The following SPATA13 variants were observed in gnomAD, a reference collection of about 807,000 sequenced individuals.
The protein encoded by SPATA13 is spermatogenesis-associated protein 13.
Under a neutral mutation model 104.0 loss-of-function variants are expected in SPATA13, and 50 were observed. The ratio of observed to expected loss-of-function variants is 0.48; its 90% CI spans 0.38 to 0.61. The LOEUF (loss-of-function observed/expected upper bound fraction) is 0.61, where lower values mean the gene tolerates loss of function less well. SPATA13 is among the 20% of genes least tolerant of loss of function. The pLI is 0.00. For synonymous variants in SPATA13, 606 were observed against 667.5 expected (o/e 0.91, Z 1.42); for missense variants, 1,524 against 1,690.6 (o/e 0.90, Z 1.73).
rs902005263 is a variant in SPATA13 at position 24,305,023 on chromosome 13, C to A, written c.*2250C>A. 3 of 152,146 alleles carry A rather than the reference C, an allele frequency of 2.0e-5. No homozygotes were observed. Among genetic ancestry groups the A allele is most frequent in the Non-Finnish European group, 4.4e-5 (3 of 68,026 alleles). The allele number at this position is 152,146 out of a possible 1,614,324, so 9.4% of individuals were successfully genotyped here. ...CTGCTAGAGTTGTTTGTATGTACAG[C>A]AATTTTGAACAAATTGTTTTAAATG... is the stretch of plus-strand genomic sequence containing the variant. On this transcript the variant is annotated 3_prime_UTR_variant, in exon 13 of 13. Transcript: ENST00000382108.
chr13:24,305,221 G>A lies in SPATA13; in HGVS notation c.*2448G>A, dbSNP rs1047684564. 2.0e-5 allele frequency: 3 copies of A among 152,004 alleles called. No homozygotes were observed. Among genetic ancestry groups the A allele is most frequent in the African/African-American group, 7.3e-5 (3 of 41,364 alleles). The allele number at this position is 152,004 out of a possible 1,614,324, so 9.4% of individuals were successfully genotyped here. A position where few individuals can be genotyped will look rare whatever the true frequency, so the allele number is the denominator to read the frequency against. ...GCCAGTCCTAATTTATTTTCCAGCT[G>A]AGCCCTAACTTCCGGCTCCCACCTA... On this transcript the variant is annotated 3_prime_UTR_variant, in exon 13 of 13. Coordinates refer to ENST00000382108, the MANE Select transcript of SPATA13 (RefSeq NM_001166271.3).
At chr13:24,079,730 A>G (rs550855534) in intron 3 of SPATA13, among the ~76,000 whole-genome samples, 3 of 152,180 alleles carry the variant, frequency 2.0e-5, no homozygotes, top group African/African-American at 7.2e-5. Flanking sequence ...GTGCAATTAT[A>G]TATCATTAGT....
intron 8 of SPATA13, among the ~76,000 whole-genome samples, chr13:24,290,209 A>G (rs9318459): frequency 0.047 from 7,106 of 152,274 alleles, 566 homozygotes; most frequent in African/African-American, 0.16. Context: ...GAAGAGAGGT[A>G]TGTTGAAATG....
chr13:24,218,931 G>A (rs908114027), intron 1 of SPATA13, among the ~76,000 whole-genome samples: 1 of 149,802 alleles, frequency 6.7e-6, no homozygotes, highest in Admixed American at 6.7e-5. Context: ...AAAAATTACT[G>A]GTCAGAAGCT....
At chr13:24,091,110 C>G (rs996578469) in intron 3 of SPATA13, among the ~76,000 whole-genome samples, 2 of 152,144 alleles carry the variant, frequency 1.3e-5, no homozygotes, top group African/African-American at 4.8e-5. Context: ...CTGAGGGGCT[C>G]TGTGTGTGTG....
At chr13:24,035,894 A>T (rs547413018) in intron 3 of SPATA13, among the ~76,000 whole-genome samples, 1 of 152,130 alleles carries the variant, frequency 6.6e-6, no homozygotes, top group South Asian at 2.1e-4. Flanking sequence ...TCACGCCTGT[A>T]GTCCCAGCTA....
intron 3 of SPATA13, among the ~76,000 whole-genome samples, chr13:24,112,232 C>T (rs1880661572): frequency 6.6e-6 from 1 of 152,144 alleles, no homozygotes; most frequent in African/African-American, 2.4e-5. Context: ...TTGTTCTCTC[C>T]TCTGGCATTG....
At chr13:24,239,337 AAAGT>A (rs2138641187) in intron 2 of SPATA13, among the ~76,000 whole-genome samples, 1 of 152,308 alleles carries the variant, frequency 6.6e-6, no homozygotes, top group Non-Finnish European at 1.5e-5. Flanking sequence ...TCAAAAGTTG[AAAGT>A]AAGTTTATTT....
intron 1 of SPATA13, among the ~76,000 whole-genome samples, chr13:24,191,135 AATT>A (rs1188242637): frequency 7.2e-5 from 11 of 152,120 alleles, no homozygotes; most frequent in Non-Finnish European, 1.6e-4. Context: ...TAATTAAATT[AATT>A]AATTATTATT....
intron 4 of SPATA13, 118 bp downstream of exon 4, chr13:24,251,980 T>A (rs555493286): frequency 1.5e-6 from 2 of 1,298,936 alleles, no homozygotes; most frequent in South Asian, 3.0e-5. Flanking sequence ...GGCGCGTTTG[T>A]CTGGGAGTGA....
At chr13:24,086,697 C>G (rs905574503) in intron 3 of SPATA13, among the ~76,000 whole-genome samples, 1 of 152,074 alleles carries the variant, frequency 6.6e-6, no homozygotes, top group Non-Finnish European at 1.5e-5. Flanking sequence ...GGCAGACTCC[C>G]GAGTTCTCTT....
At chr13:24,281,001 A>T (rs896600983) in intron 4 of SPATA13, among the ~76,000 whole-genome samples, 1 of 151,948 alleles carries the variant, frequency 6.6e-6, no homozygotes, top group Non-Finnish European at 1.5e-5. Context: ...CTCCAGCCAC[A>T]CCCCCAGCCA....
At chr13:24,284,033 T>C in intron 4 of SPATA13, 102 bp from the exon 5 acceptor site, 2 of 1,214,060 alleles carry the variant, frequency 1.6e-6, no homozygotes, top group Non-Finnish European at 2.3e-6. Flanking sequence ...AAGATGCAGA[T>C]GATTACCTTC....
chr13:24,105,110 A>G (rs1208035774), intron 3 of SPATA13, among the ~76,000 whole-genome samples: 2 of 146,188 alleles, frequency 1.4e-5, no homozygotes, highest in Admixed American at 6.6e-5. Context: ...GCTTCTTACA[A>G]TCGTTTTGTT....
In SPATA13 at chr13:24,284,497, C is replaced by T. The variant is rs373187163; in HGVS notation, c.2301+226C>T. Among the ~76,000 whole-genome samples, 136 of 152,198 alleles carry T rather than the reference C, an allele frequency of 8.9e-4. 6 individuals carry two copies. In the South Asian group the frequency reaches 0.028, roughly 31 times the overall value. On this transcript the variant is annotated intron_variant, in intron 5 of 12. Transcript: ENST00000382108. Reference sequence around the variant, plus strand: ...CCAACATAGTGAAACCCTGTCTCTACTAAAAATACAAAAAAATTAGGTAGG... The same window carrying T: ...CCAACATAGTGAAACCCTGTCTCTATTAAAAATACAAAAAAATTAGGTAGG...
intron 1 of SPATA13, among the ~76,000 whole-genome samples, chr13:24,178,451 A>G (rs1868580765): frequency 6.6e-6 from 1 of 152,156 alleles, no homozygotes; most frequent in Admixed American, 6.5e-5. Context: ...TCACTTGTAT[A>G]CAGTTATTAA....
In SPATA13 at chr13:24,160,773, T is replaced by G. The variant is rs1285745962; in HGVS notation, c.-271T>G. 2.0e-6 allele frequency: 2 copies of G among 985,252 alleles called. No individual in the cohort carries two copies. The highest frequency in any genetic ancestry group is 2.4e-6 in the Non-Finnish European group (2 of 829,962). The allele number at this position is 985,252 out of a possible 1,614,324, so 61.0% of individuals were successfully genotyped here. A position where few individuals can be genotyped will look rare whatever the true frequency, so the allele number is the denominator to read the frequency against. ...GTGTGCGTTGCGCTTTCTCCCGCGA[T>G]CGCCCTGCCGGTCGCTAGCTCCGAG... On this transcript the variant is annotated 5_prime_UTR_variant, in exon 1 of 13. Transcript: ENST00000382108.
At chr13:24,188,347 A>T (rs1044968405) in intron 1 of SPATA13, among the ~76,000 whole-genome samples, 5 of 150,942 alleles carry the variant, frequency 3.3e-5, no homozygotes, top group African/African-American at 4.9e-5. Flanking sequence ...AAAATAATAA[A>T]AAAAAAAAGT....
At chr13:24,004,335 C>A (rs1876119480) in intron 2 of SPATA13, among the ~76,000 whole-genome samples, 1 of 152,174 alleles carries the variant, frequency 6.6e-6, no homozygotes, top group Non-Finnish European at 1.5e-5. Flanking sequence ...TGAACAGATA[C>A]CATTTACGGC....
Sources: allele counts gnomAD v4.1 joint callset (sites outside exome capture counted in the v4.1 genomes callset), GRCh38; gene constraint gnomAD v4.1.1; transcripts MANE v1.5; gene names NCBI Gene and HGNC (gene_info 2026-07-23, HGNC 2026-07-21).